The following DMXL2 variants were observed in gnomAD, a reference collection of about 807,000 sequenced individuals.
DMXL2 encodes dmX-like protein 2.
Under a neutral mutation model 331.1 loss-of-function variants are expected in DMXL2, and 103 were observed. The ratio of observed to expected loss-of-function variants is 0.31; its 90% CI spans 0.27 to 0.37. DMXL2 has a LOEUF of 0.37. Ranked by LOEUF, DMXL2 falls within the 10% of genes least tolerant of loss-of-function variation. The probability of loss-of-function intolerance (pLI) is 1.00; values close to 1 mark genes in which losing one functional copy is unlikely to be tolerated. For synonymous variants in DMXL2, 1,281 were observed against 1,252.1 expected (o/e 1.02, Z -0.49); for missense variants, 3,171 against 3,642.9 (o/e 0.87, Z 3.33).
At chr15:51,460,545 T>C (rs2040020619) in intron 33 of DMXL2, 1 of 160,436 alleles carries the variant, frequency 6.2e-6, no homozygotes, top group African/African-American at 2.5e-5. Context: ...ATATCTTCAG[T>C]GAATAAAAGA....
chr15:51,591,811 G>A (rs975737153), intron 1 of DMXL2, among the ~76,000 whole-genome samples: 1 of 152,194 alleles, frequency 6.6e-6, no homozygotes, highest in African/African-American at 2.4e-5. Context: ...AACAGGGTCT[G>A]GAGTGGACCT....
chr15:51,610,767 CAAAA>C (rs34526933), intron 1 of DMXL2, among the ~76,000 whole-genome samples: 1 of 132,452 alleles, frequency 7.5e-6, no homozygotes. Context: ...GACTCCATCT[CAAAA>C]AAAAAAAAAA....
intron 23 of DMXL2, among the ~76,000 whole-genome samples, chr15:51,485,582 A>G (rs536175312): frequency 6.6e-6 from 1 of 152,342 alleles, no homozygotes; most frequent in South Asian, 2.1e-4. Context: ...TTAATGACAC[A>G]CTGTTTCTAT....
At chr15:51,516,686 G>C (rs2047056302) in intron 14 of DMXL2, among the ~76,000 whole-genome samples, 1 of 151,906 alleles carries the variant, frequency 6.6e-6, no homozygotes, top group Admixed American at 6.6e-5. Flanking sequence ...TGGTTTTTTT[G>C]TTACATGGAT....
chr15:51,498,828 C>G lies in DMXL2; in HGVS notation c.4396G>C (p.Asp1466His). The change falls in exon 18 of 44, where the codon GAT becomes CAT. Residue 1466 changes from aspartate (D) to histidine (H), a missense_variant. Asp to His is a moderately conservative substitution (Grantham distance 81). Transcript: ENST00000560891. Reference sequence around the variant, plus strand: ...ATTTGAAACAGCTCTGAATACTGATCCTCTGGTTGACTTACTGTCTGATCT... The same window carrying G: ...ATTTGAAACAGCTCTGAATACTGATGCTCTGGTTGACTTACTGTCTGATCT... Reference protein sequence around the residue: ...YEDQTVSQPEDQYSELFQIQD... With the variant: ...YEDQTVSQPEHQYSELFQIQD... 2 of 1,614,144 alleles carry G rather than the reference C, an allele frequency of 1.2e-6. No homozygotes were observed. The highest frequency in any genetic ancestry group is 1.7e-6 in the Non-Finnish European group (2 of 1,180,010).
At position 51,542,311 on chromosome 15, in the gene DMXL2, G is replaced by A. The variant is rs774976498; in HGVS notation, c.1105+22C>T. ...TTACCTGACTTCAACATATTTATGG[G>A]AAATAAAACTTTATCCTTTACCTGT... is the stretch of plus-strand genomic sequence containing the variant. On this transcript the variant is annotated intron_variant, in intron 9 of 43. Transcript: ENST00000560891. 9 of 1,597,888 alleles carry A rather than the reference G, an allele frequency of 5.6e-6. No individual in the cohort carries two copies. The East Asian group carries it at 1.3e-4, about 24-fold the overall frequency.
chr15:51,532,106 G>T (rs2140846396), intron 13 of DMXL2, among the ~76,000 whole-genome samples: 1 of 151,522 alleles, frequency 6.6e-6, no homozygotes. Flanking sequence ...AAACAACCAA[G>T]ATTTGGAGGC....
chr15:51,563,670 GA>G (rs535812402), intron 5 of DMXL2, among the ~76,000 whole-genome samples: 37 of 152,166 alleles, frequency 2.4e-4, no homozygotes, highest in Admixed American at 2.2e-3. Context: ...TAAGTAACAT[GA>G]ATACAGTATA....
chr15:51,459,979 G>T (rs2039976500), intron 33 of DMXL2: 5 of 984,804 alleles, frequency 5.1e-6, no homozygotes, highest in Non-Finnish European at 6.0e-6. Flanking sequence ...AAGCCCATTT[G>T]TATAAGCAGA....
intron 13 of DMXL2, among the ~76,000 whole-genome samples, chr15:51,521,470 G>GGTA (rs1350221640): frequency 7.4e-5 from 11 of 148,984 alleles, no homozygotes; most frequent in African/African-American, 9.9e-5. Flanking sequence ...TAGTGGTAGT[G>GGTA]GTAGTAGTAG....
rs2041968328 is a variant in DMXL2, at chr15:51,480,980, T to C, written c.6126A>G (p.Leu2042=). Residue 2042 remains leucine, a synonymous_variant, in exon 24 of 44, where the codon CTA becomes CTG. Transcript: ENST00000560891. ...DTEVDVIAEQ[L]KFRACLKILM... is the part of the protein sequence containing the mutation. ...GGATCTTTAAACAAGCTCTGAATTT[T>C]AGTTGTTCAGCAATCACATCAACTT... 6 of 1,614,030 alleles carry C rather than the reference T, an allele frequency of 3.7e-6. No individual in the cohort carries two copies. Among genetic ancestry groups the C allele is most frequent in the Admixed American group, 3.3e-5 (2 of 60,000 alleles).
At chr15:51,537,872 G>T in intron 10 of DMXL2, 113 bp from the exon 11 acceptor site, 1 of 1,237,050 alleles carries the variant, frequency 8.1e-7, no homozygotes, top group Non-Finnish European at 1.1e-6. Context: ...CCAATTTACA[G>T]TCAGAAAAAA....
At chr15:51,520,200 T>C (rs546552670) in intron 13 of DMXL2, among the ~76,000 whole-genome samples, 1 of 152,328 alleles carries the variant, frequency 6.6e-6, no homozygotes, top group African/African-American at 2.4e-5. Context: ...CTTTTCCTCC[T>C]TCACTTTCAT....
chr15:51,602,165 CAG>C (rs769896327), intron 1 of DMXL2, among the ~76,000 whole-genome samples: 23 of 152,124 alleles, frequency 1.5e-4, no homozygotes, highest in Non-Finnish European at 2.9e-4. Flanking sequence ...ACTATTCTAG[CAG>C]AGTTTCCCAT....
intron 33 of DMXL2, chr15:51,460,726 G>A (rs1239056174): frequency 6.6e-6 from 1 of 152,230 alleles, no homozygotes; most frequent in African/African-American, 2.4e-5. Flanking sequence ...CACTCTTACT[G>A]GATTGGGTAG....
chr15:51,452,139 A>AT (rs1224554927), intron 41 of DMXL2, among the ~76,000 whole-genome samples: 1 of 152,176 alleles, frequency 6.6e-6, no homozygotes, highest in African/African-American at 2.4e-5. Flanking sequence ...TTATACAAAA[A>AT]TTAACTCAAG....
chr15:51,488,166 G>C (rs1298760804), intron 21 of DMXL2, 47 bp from the exon 22 acceptor site: 2 of 1,480,046 alleles, frequency 1.4e-6, no homozygotes, highest in African/African-American at 2.8e-5. Context: ...AATTTAAAAT[G>C]TTCTACAGAA....
chr15:51,598,146 T>A lies in DMXL2; in HGVS notation c.88-21965A>T, dbSNP rs183060666. 2.3e-3 allele frequency among the ~76,000 whole-genome samples: 349 copies of A among 152,308 alleles called. 2 individuals are homozygous for A. The highest frequency in any genetic ancestry group is 8.0e-3 in the African/African-American group (333 of 41,582). On this transcript the variant is annotated intron_variant, in intron 1 of 43. Coordinates refer to ENST00000560891, the MANE Select transcript of DMXL2 (RefSeq NM_001378457.1). ...CCAATCTATCATTAATCTCCTTTTA[T>A]GATACAGTACTTCCTTTACTTTTAG...
intron 6 of DMXL2, among the ~76,000 whole-genome samples, chr15:51,560,029 G>T (rs2049853510): frequency 6.6e-6 from 1 of 152,044 alleles, no homozygotes; most frequent in African/African-American, 2.4e-5. Flanking sequence ...TGTCAGAAAT[G>T]GTATGGCAGA....
Sources: allele counts gnomAD v4.1 joint callset (sites outside exome capture counted in the v4.1 genomes callset), GRCh38; gene constraint gnomAD v4.1.1; transcripts MANE v1.5; gene names NCBI Gene and HGNC (gene_info 2026-07-23, HGNC 2026-07-21).